TARS3: variants seen among roughly 807,000 people sequenced by gnomAD.
The protein encoded by TARS3 is threonyl-tRNA synthetase 3, also known as threonine--tRNA ligase 2, cytoplasmic.
In TARS3, 94 loss-of-function variants were observed where a neutral mutation model predicts 103.5. The observed-to-expected ratio is 0.91, with a 90% confidence interval of 0.77 to 1.08. The LOEUF (loss-of-function observed/expected upper bound fraction) is 1.08. Among genes scored for constraint, TARS3 ranks in the 50% least tolerant of loss-of-function variants. The probability of loss-of-function intolerance (pLI) is 0.00; values close to 1 mark genes in which losing one functional copy is unlikely to be tolerated. For missense variants in TARS3, 952 were observed against 995.2 expected (o/e 0.96, Z 0.58); for synonymous variants, 416 against 355.4 (o/e 1.17, Z -1.92).
At chr15:101,715,591 C>T (rs1231538209) in intron 3 of TARS3, among the ~76,000 whole-genome samples, 1 of 152,234 alleles carries the variant, frequency 6.6e-6, no homozygotes, top group Non-Finnish European at 1.5e-5. Flanking sequence ...ACCCCACGCA[C>T]ACATATGTGC....
chr15:101,679,165 A>G (rs780318403), intron 12 of TARS3, among the ~76,000 whole-genome samples: 2 of 152,142 alleles, frequency 1.3e-5, no homozygotes, highest in African/African-American at 2.4e-5. Flanking sequence ...TTGAATCTGT[A>G]GATGTCTTTT....
At chr15:101,686,774 C>G (rs1228938579) in intron 10 of TARS3, among the ~76,000 whole-genome samples, 1 of 151,660 alleles carries the variant, frequency 6.6e-6, no homozygotes, top group African/African-American at 2.4e-5. Flanking sequence ...TGATAGGGAC[C>G]CTTTGCATGA....
intron 15 of TARS3, among the ~76,000 whole-genome samples, chr15:101,666,335 G>A (rs1310140728): frequency 6.6e-6 from 1 of 151,862 alleles, no homozygotes; most frequent in African/African-American, 2.4e-5. Flanking sequence ...GTTTAGCCAG[G>A]CATGGTGGTG....
intron 6 of TARS3, 39 bp from the exon 7 acceptor site, chr15:101,705,786 T>C (rs776626625): frequency 2.2e-5 from 33 of 1,480,292 alleles, no homozygotes; most frequent in Non-Finnish European, 3.1e-5. Flanking sequence ...TTACACACAA[T>C]GTTGAAATGA....
chr15:101,658,170 A>G (rs1897251942), intron 16 of TARS3, among the ~76,000 whole-genome samples: 1 of 152,186 alleles, frequency 6.6e-6, no homozygotes, highest in Non-Finnish European at 1.5e-5. Flanking sequence ...GCGCAGGTTC[A>G]CACACAATAC....
rs1165919854 is a variant in TARS3, at chr15:101,724,367, C to T, written c.21G>A (p.Ala7=). 5.9e-6 allele frequency: 9 copies of T among 1,532,142 alleles called. No homozygotes were observed. The highest frequency in any genetic ancestry group is 1.9e-5 in the Admixed American group (1 of 51,426). 94.9% of individuals were successfully genotyped at this position (1,532,142 alleles called of 1,614,324 possible). A position where few individuals can be genotyped will look rare whatever the true frequency, so the allele number is the denominator to read the frequency against. The part of the protein sequence containing the change: MAAEAL[A]AEAVASRLER... ...CCAGGCGCGACGCCACGGCCTCCGC[C>T]GCCAGGGCCTCGGCCGCCATCGCGG... Residue 7 remains alanine (A), a synonymous_variant, in exon 1 of 19, where the codon GCG becomes GCA. Transcript: ENST00000335968.
intron 5 of TARS3, among the ~76,000 whole-genome samples, chr15:101,711,382 G>T (rs924824191): frequency 6.6e-6 from 1 of 152,152 alleles, no homozygotes; most frequent in Middle Eastern, 3.2e-3. Context: ...ATGCAATACA[G>T]TTGACCCTTG....
rs772180512 is a variant in TARS3 at position 101,671,885 on chromosome 15, A to G, written c.1789-137T>C. 1.8e-4 allele frequency: 130 copies of G among 721,650 alleles called. 1 individual carries two copies. The highest frequency in any genetic ancestry group is 3.4e-4 in the Admixed American group (12 of 34,978). 44.7% of individuals were successfully genotyped at this position (721,650 alleles called of 1,614,324 possible). ...TATTTATTGAGCATCTTTTACATTC[A>G]ATAAACTATTGAGCAGGGACTACAC... On this transcript the variant is annotated intron_variant, in intron 13 of 18. Transcript: ENST00000335968.
chr15:101,674,943 C>T (rs1252103768), intron 13 of TARS3, among the ~76,000 whole-genome samples: 1 of 152,022 alleles, frequency 6.6e-6, no homozygotes, highest in African/African-American at 2.4e-5. Flanking sequence ...GGGTCTTATT[C>T]CCATGGATAA....
At chr15:101,668,041 C>T (rs1019526268) in intron 15 of TARS3, among the ~76,000 whole-genome samples, 3 of 152,214 alleles carry the variant, frequency 2.0e-5, no homozygotes, top group African/African-American at 4.8e-5. Flanking sequence ...GAAACTTTCT[C>T]CACATCAGCA....
At position 101,661,017 on chromosome 15, in the gene TARS3, G is replaced by A. The variant is rs144760479; in HGVS notation, c.2072+695C>T. ...TAATTAGTTCTAAATCTTTGACTCT[G>A]TGGCCAAAGCAGTAACTAGAGCCTG... is the stretch of plus-strand genomic sequence containing the variant. On this transcript the variant is annotated intron_variant, in intron 16 of 18. Coordinates refer to ENST00000335968, the MANE Select transcript of TARS3 (RefSeq NM_152334.3). Among the ~76,000 whole-genome samples the A allele has an allele frequency of 2.5e-3, 376 of 152,188 alleles. 1 individual carries two copies. Among genetic ancestry groups the A allele is most frequent in the Non-Finnish European group, 4.3e-3 (291 of 68,010 alleles).
intron 16 of TARS3, among the ~76,000 whole-genome samples, chr15:101,658,795 ACTT>A (rs570905921): frequency 3.9e-5 from 6 of 152,010 alleles, no homozygotes; most frequent in Non-Finnish European, 5.9e-5. Flanking sequence ...TCTCTGTATA[ACTT>A]CTTTTTTATT....
chr15:101,718,479 G>A (rs373893331), intron 3 of TARS3, among the ~76,000 whole-genome samples: 12 of 152,250 alleles, frequency 7.9e-5, no homozygotes, highest in Admixed American at 1.3e-4. Flanking sequence ...CCCTCTGCCC[G>A]TGTCCTGTAA....
At chr15:101,674,148 C>G (rs981262489) in intron 13 of TARS3, among the ~76,000 whole-genome samples, 3 of 152,240 alleles carry the variant, frequency 2.0e-5, no homozygotes, top group African/African-American at 4.8e-5. Context: ...AGTCTCCATG[C>G]TGGGTGCACT....
chr15:101,683,224 T>C (rs755531486), intron 12 of TARS3, among the ~76,000 whole-genome samples: 12 of 152,236 alleles, frequency 7.9e-5, no homozygotes, highest in Non-Finnish European at 1.8e-4. Context: ...TCTTTTCTAA[T>C]GCAGGTATTC....
chr15:101,705,666 C>G lies in TARS3; in HGVS notation c.995+17G>C, dbSNP rs762102570. On this transcript the variant is annotated intron_variant, in intron 7 of 18. Coordinates refer to ENST00000335968, the MANE Select transcript of TARS3 (RefSeq NM_152334.3). ...AAGTTTACCACTGAGCAGCGTTTAC[C>G]ATGTGTGGACACAAACCTGTACACG... 1 of 1,606,206 alleles carries G rather than the reference C, an allele frequency of 6.2e-7. No individual in the cohort carries two copies. The highest frequency in any genetic ancestry group is 1.3e-5 in the African/African-American group (1 of 74,860).
At chr15:101,700,638 C>T (rs140264362) in intron 10 of TARS3, among the ~76,000 whole-genome samples, 1,803 of 149,294 alleles carry the variant, frequency 0.012, 24 homozygotes, top group Admixed American at 0.028. Flanking sequence ...CAATCTAGTA[C>T]CTCACTTTTT....
intron 12 of TARS3, among the ~76,000 whole-genome samples, chr15:101,675,992 G>T (rs1898009738): frequency 6.6e-6 from 1 of 152,192 alleles, no homozygotes; most frequent in African/African-American, 2.4e-5. Flanking sequence ...GCGGCACGGA[G>T]GGGCTGCCCA....
chr15:101,710,347 G>A (rs772982366), intron 5 of TARS3, among the ~76,000 whole-genome samples: 5 of 152,180 alleles, frequency 3.3e-5, no homozygotes, highest in Non-Finnish European at 7.4e-5. Flanking sequence ...AGTTCTGTGA[G>A]CCAGTCTAGC....
Sources: allele counts gnomAD v4.1 joint callset (sites outside exome capture counted in the v4.1 genomes callset), GRCh38; gene constraint gnomAD v4.1.1; transcripts MANE v1.5; gene names NCBI Gene and HGNC (gene_info 2026-07-23, HGNC 2026-07-21).